DMGDH: variants seen among roughly 807,000 people sequenced by gnomAD.
DMGDH encodes dimethylglycine dehydrogenase, also known as dimethylglycine dehydrogenase, mitochondrial.
In DMGDH, 76 loss-of-function variants were observed where a neutral mutation model predicts 95.2. That is an observed-to-expected ratio of 0.80 (90% CI 0.66 to 0.97). The LOEUF is 0.97. DMGDH is among the 50% of genes least tolerant of loss of function. DMGDH has a pLI of 0.00. For missense variants in DMGDH, 987 were observed against 1,055.0 expected, an observed-to-expected ratio of 0.94 and a Z score of 0.89; for synonymous variants, 345 against 377.6, an observed-to-expected ratio of 0.91 and a Z score of 1.00.
In DMGDH at chr5:79,016,483, A is replaced by G. The variant is rs116611898; in HGVS notation, c.2250+7788T>C. Among the ~76,000 whole-genome samples the G allele has an allele frequency of 4.2e-3, 642 of 152,294 alleles. 6 individuals are homozygous for G. Among genetic ancestry groups the G allele is most frequent in the African/African-American group, 0.015 (609 of 41,548 alleles). The stretch of plus-strand genomic sequence containing the variant: ...AAAATTGAAATTAAAAATACCATCT[A>G]CAACAGTATCAAAACATGAAATACT... On this transcript the variant is annotated intron_variant, in intron 14 of 15. Coordinates refer to ENST00000255189, the MANE Select transcript of DMGDH (RefSeq NM_013391.3).
intron 6 of DMGDH, 118 bp from the exon 7 acceptor site, chr5:79,042,599 AT>A: frequency 1.1e-6 from 1 of 929,918 alleles, no homozygotes; most frequent in Non-Finnish European, 1.7e-6. Context: ...AAGTACTGCC[AT>A]TTTTTGTTAA....
chr5:79,044,408 G>A lies in DMGDH; in HGVS notation c.890C>T (p.Ser297Leu), dbSNP rs1268860222. 1.4e-5 allele frequency: 22 copies of A among 1,614,072 alleles called. No homozygotes were observed. The highest frequency in any genetic ancestry group is 1.6e-5 in the Non-Finnish European group (19 of 1,180,050). ...ATCCCTTTCCTGTCGGAGATAATAT[G>A]ATCCTTCCAGGTCACGGAGCACAGG... ...ELPVLRDLEG[S>L]YYLRQERDGL... The change falls in exon 6 of 16, where the codon TCA becomes TTA. Residue 297 changes from serine to leucine, a missense_variant. Ser to Leu is a moderately radical substitution (Grantham distance 145). Transcript: ENST00000255189.
chr5:79,048,129 G>A (rs1438392210), intron 5 of DMGDH, among the ~76,000 whole-genome samples: 2 of 151,334 alleles, frequency 1.3e-5, no homozygotes, highest in Non-Finnish European at 2.9e-5. Flanking sequence ...TAATTGCAAT[G>A]ATCATAATAA....
At chr5:79,039,150 T>C (rs1224497220) in intron 7 of DMGDH, among the ~76,000 whole-genome samples, 3 of 150,746 alleles carry the variant, frequency 2.0e-5, no homozygotes, top group Admixed American at 6.6e-5. Context: ...GTCAGTGTGG[T>C]GATTCCTCAG....
chr5:79,033,518 G>T, intron 7 of DMGDH, 110 bp from the exon 8 acceptor site: 1 of 1,272,024 alleles, frequency 7.9e-7, no homozygotes, highest in Non-Finnish European at 1.1e-6. Context: ...GTGCTAATCA[G>T]AACACACAAG....
At chr5:79,038,029 T>C (rs752072039) in intron 7 of DMGDH, among the ~76,000 whole-genome samples, 1 of 152,226 alleles carries the variant, frequency 6.6e-6, no homozygotes, top group Non-Finnish European at 1.5e-5. Context: ...ATGCAATCTC[T>C]ATCAAAATCT....
At chr5:79,020,694 T>G (rs1753842335) in intron 14 of DMGDH, 3 of 981,372 alleles carry the variant, frequency 3.1e-6, no homozygotes, top group Non-Finnish European at 3.6e-6. Context: ...TACATTTTAT[T>G]CTGTTTCTAC....
At chr5:79,021,193 A>C in intron 14 of DMGDH, 1 of 994,526 alleles carries the variant, frequency 1.0e-6, no homozygotes, top group Non-Finnish European at 1.2e-6. Flanking sequence ...AGCACTTCCC[A>C]CAAGATGGCA....
Position 79,069,603 on chromosome 5 carries a change from C to A in DMGDH, c.18G>T (p.Ala6=), listed in dbSNP as rs1755494565. The A allele has an allele frequency of 2.9e-6, 4 of 1,368,004 alleles. No homozygotes were observed. The highest frequency in any genetic ancestry group is 3.8e-6 in the Non-Finnish European group (4 of 1,059,138). 84.7% of individuals were successfully genotyped at this position (1,368,004 alleles called of 1,614,324 possible). A position where few individuals can be genotyped will look rare whatever the true frequency, so the allele number is the denominator to read the frequency against. ...GCAGCAGGAGGCCCCGCAGCAGCTGCGCGCCGGGACGGAGCATGACTAGGC... is the reference window on the plus strand; with the variant it reads ...GCAGCAGGAGGCCCCGCAGCAGCTGAGCGCCGGGACGGAGCATGACTAGGC... The part of the protein sequence containing the change: MLRPG[A]QLLRGLLLRS... Residue 6 remains alanine (A), a synonymous_variant, in exon 1 of 16, where the codon GCG becomes GCT. Coordinates refer to ENST00000255189, the MANE Select transcript of DMGDH (RefSeq NM_013391.3).
At position 79,026,546 on chromosome 5, in the gene DMGDH, C is replaced by G. The variant is rs1421221013; in HGVS notation, c.2068G>C (p.Asp690His). 3 of 1,614,156 alleles carry G rather than the reference C, an allele frequency of 1.9e-6. No individual in the cohort carries two copies. The highest frequency in any genetic ancestry group is 1.7e-5 in the Admixed American group (1 of 60,018). The change falls in exon 13 of 16, where the codon GAT becomes CAT. Residue 690 changes from aspartate to histidine, a missense_variant. By Grantham distance (81) the Asp-to-His change is moderately conservative (BLOSUM62 -1). Transcript: ENST00000255189. The stretch of plus-strand genomic sequence containing the variant: ...ATAGCGTCATACAGCGCCACAGAAT[C>G]TTCTCTTCTGTGATACAGCTCCCAA... ...LGWELYHRRE[D>H]SVALYDAIMN... is the part of the protein sequence containing the mutation.
At chr5:79,009,018 T>G (rs1753596577) in intron 14 of DMGDH, among the ~76,000 whole-genome samples, 1 of 152,192 alleles carries the variant, frequency 6.6e-6, no homozygotes, top group Non-Finnish European at 1.5e-5. Flanking sequence ...TTTAAATGCC[T>G]GTGCCTGGAG....
intron 12 of DMGDH, among the ~76,000 whole-genome samples, 182 bp downstream of exon 12, chr5:79,028,251 C>T (rs1754053631): frequency 1.3e-5 from 2 of 152,090 alleles, no homozygotes; most frequent in Admixed American, 6.5e-5. Flanking sequence ...ACAGACTAGA[C>T]ATAAGAGCTG....
In DMGDH at chr5:79,028,430, T is replaced by A; in HGVS notation, c.2032+3A>T. 1 of 1,609,376 alleles carries A rather than the reference T, an allele frequency of 6.2e-7. No homozygotes were observed. Among genetic ancestry groups the A allele is most frequent in the Non-Finnish European group, 8.5e-7 (1 of 1,175,712 alleles). On this transcript the variant is annotated splice_donor_region_variant and intron_variant, in intron 12 of 15. Transcript: ENST00000255189. ...CTTAGTCCAGGTTGTTTTCCAATCT[T>A]ACCAGTATAAGATATCCTAATAGCA...
At chr5:79,063,855 C>G in intron 1 of DMGDH, 68 bp from the exon 2 acceptor site, 1 of 1,498,456 alleles carries the variant, frequency 6.7e-7, no homozygotes, top group Admixed American at 1.7e-5. Flanking sequence ...GCCTAAAGCA[C>G]TTCCCCTTAC....
Position 79,042,349 on chromosome 5 carries a change from G to C in DMGDH, c.1127C>G (p.Pro376Arg), listed in dbSNP as rs751064219. 1 of 1,614,244 alleles carries C rather than the reference G, an allele frequency of 6.2e-7. No individual in the cohort carries two copies. Among genetic ancestry groups the C allele is most frequent in the Non-Finnish European group, 8.5e-7 (1 of 1,180,042 alleles). Reference sequence around the variant, plus strand: ...GGGCCCCACCATAGGCAGAATGTCAGGAGAATACGTGATAGGACCATTGAC... The same window carrying C: ...GGGCCCCACCATAGGCAGAATGTCACGAGAATACGTGATAGGACCATTGAC... ...NVVNGPITYSPDILPMVGPHQ... is the reference protein window; with the variant it reads ...NVVNGPITYSRDILPMVGPHQ... Residue 376 changes from proline to arginine, a missense_variant, in exon 7 of 16, where the codon CCT becomes CGT. Pro to Arg is a moderately radical substitution (Grantham distance 103, BLOSUM62 -2). Coordinates refer to ENST00000255189, the MANE Select transcript of DMGDH (RefSeq NM_013391.3).
At chr5:79,044,584 C>A in intron 5 of DMGDH, 32 bp from the exon 6 acceptor site, 1 of 1,612,046 alleles carries the variant, frequency 6.2e-7, no homozygotes, top group Non-Finnish European at 8.5e-7. Flanking sequence ...AAAGTGTCAG[C>A]CCATATATAA....
chr5:79,051,251 T>G, intron 5 of DMGDH, 36 bp downstream of exon 5: 1 of 1,603,778 alleles, frequency 6.2e-7, no homozygotes, highest in Non-Finnish European at 8.5e-7. Flanking sequence ...CTTTGGCACT[T>G]AAAAAACACT....
intron 14 of DMGDH, chr5:79,021,793 A>G: frequency 9.1e-7 from 1 of 1,104,552 alleles, no homozygotes; most frequent in Non-Finnish European, 1.2e-6. Flanking sequence ...ATTCTTGGGC[A>G]GTCTTTCAAG....
At chr5:79,018,296 C>T (rs1753780736) in intron 14 of DMGDH, among the ~76,000 whole-genome samples, 2 of 152,136 alleles carry the variant, frequency 1.3e-5, no homozygotes. Flanking sequence ...ACCTCCACCT[C>T]CCAAAGTGCT....
Sources: allele counts gnomAD v4.1 joint callset (sites outside exome capture counted in the v4.1 genomes callset), GRCh38; gene constraint gnomAD v4.1.1; transcripts MANE v1.5; gene names NCBI Gene and HGNC (gene_info 2026-07-23, HGNC 2026-07-21).